ZMIZ1: variants seen among roughly 807,000 people sequenced by gnomAD.
ZMIZ1 encodes the protein zinc finger MIZ-type containing 1, also known as zinc finger MIZ domain-containing protein 1.
In ZMIZ1, 17 loss-of-function variants were observed where a neutral mutation model predicts 113.9. The ratio of observed to expected loss-of-function variants is 0.15; its 90% confidence interval spans 0.10 to 0.22. ZMIZ1 has a LOEUF of 0.22. ZMIZ1 is among the 10% of genes least tolerant of loss of function. The pLI, the probability that ZMIZ1 is intolerant of heterozygous loss-of-function variation, is 1.00. For synonymous variants in ZMIZ1, 607 were observed against 603.1 expected, an observed-to-expected ratio of 1.01 and a Z score of -0.09; for missense variants, 1,059 against 1,477.8, an observed-to-expected ratio of 0.72 and a Z score of 4.65.
At chr10:79,145,370 G>A (rs1845438168) in intron 3 of ZMIZ1, among the ~76,000 whole-genome samples, 1 of 152,234 alleles carries the variant, frequency 6.6e-6, no homozygotes, top group African/African-American at 2.4e-5. Context: ...TGGGCTGGGG[G>A]CTGGGGCCAC....
chr10:79,193,809 G>A (rs1847712115), intron 4 of ZMIZ1, among the ~76,000 whole-genome samples: 1 of 152,218 alleles, frequency 6.6e-6, no homozygotes, highest in South Asian at 2.1e-4. Flanking sequence ...ACATGGAGGT[G>A]CGATCTTCAG....
At chr10:79,092,148 C>G (rs958414798) in intron 1 of ZMIZ1, among the ~76,000 whole-genome samples, 5 of 152,134 alleles carry the variant, frequency 3.3e-5, no homozygotes, top group African/African-American at 7.2e-5. Flanking sequence ...TGCCTCTGTC[C>G]TCAACCTGCA....
intron 3 of ZMIZ1, among the ~76,000 whole-genome samples, chr10:79,140,435 C>T (rs547085453): frequency 6.6e-6 from 1 of 152,338 alleles, no homozygotes; most frequent in East Asian, 1.9e-4. Flanking sequence ...ATTTGCCATA[C>T]CAGCTTCTAT....
chr10:79,300,960 G>C lies in ZMIZ1; in HGVS notation c.2019+18G>C. On this transcript the variant is annotated intron_variant, in intron 17 of 24. Coordinates refer to ENST00000334512, the MANE Select transcript of ZMIZ1 (RefSeq NM_020338.4). ...GCTGCTGCGTGAGTGTGGTGGGCCA[G>C]GGGCAGCGTTGGCACAGGCAGGCCC... 1 of 1,605,490 alleles carries C rather than the reference G, an allele frequency of 6.2e-7. No individual in the cohort carries two copies. Among genetic ancestry groups the C allele is most frequent in the Non-Finnish European group, 8.5e-7 (1 of 1,179,676 alleles).
intron 4 of ZMIZ1, among the ~76,000 whole-genome samples, chr10:79,193,480 T>C (rs1847693626): frequency 6.6e-6 from 1 of 152,156 alleles, no homozygotes; most frequent in African/African-American, 2.4e-5. Flanking sequence ...TTTTCAGCTC[T>C]CACCACCCTG....
chr10:79,265,800 T>C (rs1851566624), intron 7 of ZMIZ1, among the ~76,000 whole-genome samples: 1 of 152,076 alleles, frequency 6.6e-6, no homozygotes. Flanking sequence ...TCCCCACCCA[T>C]CCACTCTCCT....
chr10:79,245,089 G>A (rs903472207), intron 7 of ZMIZ1, among the ~76,000 whole-genome samples: 6 of 152,154 alleles, frequency 3.9e-5, no homozygotes, highest in African/African-American at 9.7e-5. Context: ...ACCACCAAAC[G>A]GCGATGCTTT....
intron 5 of ZMIZ1, among the ~76,000 whole-genome samples, chr10:79,202,696 G>A (rs766185601): frequency 2.0e-5 from 3 of 152,188 alleles, no homozygotes; most frequent in African/African-American, 7.2e-5. Flanking sequence ...TCACAGGGGC[G>A]CCCCCAAGCG....
chr10:79,076,214 C>G (rs919641772), intron 1 of ZMIZ1, among the ~76,000 whole-genome samples: 1 of 152,220 alleles, frequency 6.6e-6, no homozygotes, highest in Non-Finnish European at 1.5e-5. Flanking sequence ...GGTGACCGAT[C>G]TGGGCCTGGA....
At chr10:79,086,549 T>C (rs1040520488) in intron 1 of ZMIZ1, among the ~76,000 whole-genome samples, 2 of 152,236 alleles carry the variant, frequency 1.3e-5, no homozygotes, top group African/African-American at 4.8e-5. Flanking sequence ...GGTCTCAGTC[T>C]GTCACCCAGG....
At chr10:79,265,655 C>A (rs944188508) in intron 7 of ZMIZ1, among the ~76,000 whole-genome samples, 17 of 151,820 alleles carry the variant, frequency 1.1e-4, no homozygotes, top group Non-Finnish European at 2.5e-4. Flanking sequence ...AGGAAAACCT[C>A]TCTGATGTAG....
At chr10:79,293,054 C>G (rs1347325716) in intron 11 of ZMIZ1, among the ~76,000 whole-genome samples, 1 of 152,144 alleles carries the variant, frequency 6.6e-6, no homozygotes, top group East Asian at 1.9e-4. Flanking sequence ...ATACCCCTCC[C>G]TGTCCCTGCA....
chr10:79,224,601 G>A lies in ZMIZ1; in HGVS notation c.280+8327G>A, dbSNP rs116530574. 4.6e-3 allele frequency among the ~76,000 whole-genome samples: 701 copies of A among 152,322 alleles called. 7 individuals carry two copies. Among genetic ancestry groups the A allele is most frequent in the African/African-American group, 0.016 (657 of 41,568 alleles). On this transcript the variant is annotated intron_variant, in intron 7 of 24. Coordinates refer to ENST00000334512, the MANE Select transcript of ZMIZ1 (RefSeq NM_020338.4). Reference sequence around the variant, plus strand: ...GGGAGCCTGGAGGATGGGACCCTAAGAAGGGCCTGCTTCTGTCACCAGGGC... The same window carrying A: ...GGGAGCCTGGAGGATGGGACCCTAAAAAGGGCCTGCTTCTGTCACCAGGGC...
intron 12 of ZMIZ1, 138 bp downstream of exon 12, chr10:79,293,791 A>T: frequency 7.4e-7 from 1 of 1,349,696 alleles, no homozygotes; most frequent in South Asian, 1.2e-5. Flanking sequence ...CTTAGGGGTC[A>T]GGTGCTCCTG....
intron 1 of ZMIZ1, among the ~76,000 whole-genome samples, chr10:79,114,477 C>CTGTG (rs1215426437): frequency 6.2e-5 from 4 of 64,920 alleles, no homozygotes; most frequent in African/African-American, 1.6e-4. Context: ...GTGTGTGTGT[C>CTGTG]TGTGTGTGTG....
intron 3 of ZMIZ1, among the ~76,000 whole-genome samples, chr10:79,141,450 CT>C (rs74767834): frequency 1.2e-4 from 18 of 148,536 alleles, no homozygotes; most frequent in East Asian, 5.9e-4. Flanking sequence ...CCAAGGAAAG[CT>C]TTTTTTTTTG....
chr10:79,174,868 G>A (rs1183016324), intron 4 of ZMIZ1, among the ~76,000 whole-genome samples: 1 of 152,236 alleles, frequency 6.6e-6, no homozygotes, highest in Non-Finnish European at 1.5e-5. Context: ...AAGGGGCTTT[G>A]CCCGAAGAAG....
At chr10:79,298,747 C>T (rs1854089397) in intron 15 of ZMIZ1, among the ~76,000 whole-genome samples, 167 bp downstream of exon 15, 1 of 152,230 alleles carries the variant, frequency 6.6e-6, no homozygotes, top group Admixed American at 6.5e-5. Flanking sequence ...AGGCAGCTCA[C>T]AGACAGCCTT....
chr10:79,165,997 TGTGTGG>T (rs1448361708), intron 4 of ZMIZ1, among the ~76,000 whole-genome samples: 1 of 10,132 alleles, frequency 9.9e-5, no homozygotes, highest in African/African-American at 7.2e-4. Context: ...TGTGTGTGTG[TGTGTGG>T]GCTCTCCCTG....
Sources: gnomAD v4.1 joint callset for allele counts (sites outside exome capture counted in the v4.1 genomes callset) on GRCh38, gnomAD v4.1.1 for gene constraint, MANE v1.5 for transcripts, NCBI Gene and HGNC (gene_info 2026-07-23, HGNC 2026-07-21) for gene names.